The following TPR variants were observed in gnomAD, a reference collection of about 807,000 sequenced individuals.
TPR encodes nucleoprotein TPR.
A neutral mutation model predicts 316.1 loss-of-function variants in TPR; 51 were observed. The observed-to-expected ratio is 0.16, with a 90% CI of 0.13 to 0.20. The LOEUF is 0.20. Among genes scored for constraint, TPR ranks in the 10% least tolerant of loss-of-function variants. The pLI, the probability that TPR is intolerant of heterozygous loss-of-function variation, is 1.00. For synonymous variants in TPR, 981 were observed against 914.7 expected (o/e 1.07, Z -1.31); for missense variants, 2,272 against 2,754.8 (o/e 0.82, Z 3.92).
At chr1:186,319,243 C>A (rs1405199145) in intron 46 of TPR, among the ~76,000 whole-genome samples, 7 of 152,144 alleles carry the variant, frequency 4.6e-5, no homozygotes. Context: ...CCTGCCTTGG[C>A]CTCCCAAAGT....
In TPR at chr1:186,375,143, T is replaced by G; in HGVS notation, c.-115A>C. ...CCGCCGCCTCTATCACCTCGCTCGGTGGCTCGCGCGCGCCCGCCCGCCGGA... is the reference window on the plus strand; with the variant it reads ...CCGCCGCCTCTATCACCTCGCTCGGGGGCTCGCGCGCGCCCGCCCGCCGGA... On this transcript the variant is annotated 5_prime_UTR_variant, in exon 1 of 51. Transcript: ENST00000367478. 1 of 1,550,050 alleles carries G rather than the reference T, an allele frequency of 6.5e-7. No homozygotes were observed. Among genetic ancestry groups the G allele is most frequent in the South Asian group, 1.2e-5 (1 of 84,868 alleles).
chr1:186,355,784 G>T lies in TPR; in HGVS notation c.1889-16C>A, dbSNP rs1659011952. ...AAGCTTGAAGCTTCAGGAAAGTAAA[G>T]ACTAATAAAATGCTTTGTTGGCTTT... On this transcript the variant is annotated splice_polypyrimidine_tract_variant and intron_variant, in intron 15 of 50. Transcript: ENST00000367478. 1.2e-6 allele frequency: 2 copies of T among 1,611,090 alleles called. No individual in the cohort carries two copies. The highest frequency in any genetic ancestry group is 3.4e-5 in the Admixed American group (2 of 58,822).
chr1:186,363,027 G>T, intron 5 of TPR, 26 bp from the exon 6 acceptor site: 1 of 1,578,972 alleles, frequency 6.3e-7, no homozygotes. Context: ...AAAATAACAC[G>T]TACAGTTAAA....
At chr1:186,346,315 T>C in intron 22 of TPR, 28 bp from the exon 23 acceptor site, 1 of 1,580,774 alleles carries the variant, frequency 6.3e-7, no homozygotes. Flanking sequence ...CAGTAGGATA[T>C]AAAAATTACA....
chr1:186,322,452 AC>A, intron 44 of TPR, 40 bp from the exon 45 acceptor site: 1 of 1,609,970 alleles, frequency 6.2e-7, no homozygotes, highest in Non-Finnish European at 8.5e-7. Context: ...AAAACACCAC[AC>A]ATATGGACTA....
At position 186,367,997 on chromosome 1, in the gene TPR, A is replaced by G. The variant is rs1407594316; in HGVS notation, c.331-15T>C. ...GTAAATTGGCTCTGTCATATAAAGA[A>G]GTAATAAGTAAGAAAATCAAGTAGA... On this transcript the variant is annotated splice_polypyrimidine_tract_variant and intron_variant, in intron 3 of 50. Coordinates refer to ENST00000367478, the MANE Select transcript of TPR (RefSeq NM_003292.3). 1 of 1,580,974 alleles carries G rather than the reference A, an allele frequency of 6.3e-7. No homozygotes were observed. Among genetic ancestry groups the G allele is most frequent in the Non-Finnish European group, 8.6e-7 (1 of 1,156,498 alleles).
Position 186,359,896 on chromosome 1 carries a change from T to A in TPR, c.1292A>T (p.Glu431Val). The A allele has an allele frequency of 6.2e-7, 1 of 1,606,992 alleles. No homozygotes were observed. The highest frequency in any genetic ancestry group is 8.5e-7 in the Non-Finnish European group (1 of 1,178,298). The change falls in exon 12 of 51, where the codon GAA (glutamate) becomes GTA (valine). Residue 431 changes from glutamate to valine, a missense_variant. This residue lies in a region of TPR where 549 missense variants were observed against 598.6 expected (regional missense o/e 0.92). Coordinates refer to ENST00000367478, the MANE Select transcript of TPR (RefSeq NM_003292.3). Reference protein sequence around the residue: ...KYLDEIVKEVEAKAPILKRQR... With the variant: ...KYLDEIVKEVVAKAPILKRQR... ...GCGTTTCAAAATTGGTGCTTTGGCT[T>A]CCACTTCTTTCACTATTTCATCTAG...
At position 186,320,199 on chromosome 1, in the gene TPR, A is replaced by G. The variant is rs1322549037; in HGVS notation, c.6568+113T>C. 4 of 885,746 alleles carry G rather than the reference A, an allele frequency of 4.5e-6. No homozygotes were observed. The African/African-American group carries it at 6.9e-5, about 15-fold the overall frequency. 54.9% of individuals were successfully genotyped at this position (885,746 alleles called of 1,614,324 possible). A position where few individuals can be genotyped will look rare whatever the true frequency, so the allele number is the denominator to read the frequency against. On this transcript the variant is annotated intron_variant, in intron 46 of 50. Coordinates refer to ENST00000367478, the MANE Select transcript of TPR (RefSeq NM_003292.3). ...ATTTAAAAAAATAAATTAGCAAACA[A>G]TATCAATTTTAAAAATATTCATATT...
chr1:186,337,942 TA>T (rs1249967280), intron 31 of TPR, 90 bp downstream of exon 31: 3 of 1,073,694 alleles, frequency 2.8e-6, no homozygotes, highest in African/African-American at 3.2e-5. Flanking sequence ...TTTCGGTATC[TA>T]AAAGCTAGTA....
Position 186,368,002 on chromosome 1 carries a change from T to C in TPR, c.331-20A>G, listed in dbSNP as rs139638984. ...TTGGCTCTGTCATATAAAGAAGTAA[T>C]AAGTAAGAAAATCAAGTAGAGCAAT... On this transcript the variant is annotated intron_variant, in intron 3 of 50. Transcript: ENST00000367478. 5.9e-4 allele frequency: 932 copies of C among 1,573,142 alleles called. 11 individuals are homozygous for C. In the East Asian group the frequency reaches 0.017, roughly 29 times the overall value.
chr1:186,369,898 A>T (rs543903411), intron 3 of TPR, among the ~76,000 whole-genome samples: 10 of 151,600 alleles, frequency 6.6e-5, no homozygotes, highest in Non-Finnish European at 1.3e-4. Flanking sequence ...AAGTCACTTC[A>T]TAGTTTTTTT....
intron 2 of TPR, 119 bp downstream of exon 2, chr1:186,373,240 C>A: frequency 1.6e-6 from 1 of 615,816 alleles, no homozygotes; most frequent in South Asian, 3.3e-5. Context: ...ATAATAAAAA[C>A]CAATGATGCT....
chr1:186,362,212 A>T (rs1371242051), intron 7 of TPR, 76 bp downstream of exon 7: 2 of 1,224,460 alleles, frequency 1.6e-6, no homozygotes, highest in South Asian at 2.6e-5. Context: ...TTAAAAAATG[A>T]CATCATTTTG....
At position 186,370,579 on chromosome 1, in the gene TPR, T is replaced by C. The variant is rs574386222; in HGVS notation, c.330+391A>G. Among the ~76,000 whole-genome samples, 3 of 151,828 alleles carry C rather than the reference T, an allele frequency of 2.0e-5. No individual in the cohort carries two copies. In the East Asian group the frequency reaches 5.8e-4, roughly 29 times the overall value. ...GCAAAAGTATAAAGTTGTATCTGGTTAAAAAATAATTGCATGCAACCACTT... is the reference window on the plus strand; with the variant it reads ...GCAAAAGTATAAAGTTGTATCTGGTCAAAAAATAATTGCATGCAACCACTT... On this transcript the variant is annotated intron_variant, in intron 3 of 50. Transcript: ENST00000367478.
At position 186,357,381 on chromosome 1, in the gene TPR, G is replaced by C; in HGVS notation, c.1724+16C>G. On this transcript the variant is annotated intron_variant, in intron 14 of 50. Coordinates refer to ENST00000367478, the MANE Select transcript of TPR (RefSeq NM_003292.3). The stretch of plus-strand genomic sequence containing the variant: ...ATAAATGTTTGCTCAACAAGCTGAG[G>C]TATGTGACTACTTACTTGGATGAAG... 1.2e-6 allele frequency: 2 copies of C among 1,610,462 alleles called. No individual in the cohort carries two copies. Among genetic ancestry groups the C allele is most frequent in the Middle Eastern group, 1.7e-4 (1 of 6,052 alleles).
At chr1:186,371,553 C>T (rs1242929393) in intron 2 of TPR, among the ~76,000 whole-genome samples, 1 of 152,130 alleles carries the variant, frequency 6.6e-6, no homozygotes, top group African/African-American at 2.4e-5. Flanking sequence ...ATCAATCTCT[C>T]AATTGCCACT....
chr1:186,327,299 A>T (rs796942836), intron 40 of TPR, among the ~76,000 whole-genome samples, 161 bp downstream of exon 40: 20 of 41,142 alleles, frequency 4.9e-4, no homozygotes, highest in Admixed American at 1.3e-3. Flanking sequence ...ATAAATATAT[A>T]ATATATAATA....
intron 50 of TPR, 144 bp from the exon 51 acceptor site, chr1:186,314,170 T>C (rs1657492525): frequency 1.5e-6 from 1 of 665,914 alleles, no homozygotes; most frequent in African/African-American, 1.8e-5. Context: ...ATGGAAATTA[T>C]TACAAGCAGA....
intron 45 of TPR, among the ~76,000 whole-genome samples, chr1:186,321,774 TAC>T (rs566498127): frequency 2.3e-3 from 347 of 152,320 alleles, no homozygotes; most frequent in African/African-American, 8.1e-3. Context: ...TTGTTTACAT[TAC>T]AGTTAGTTGC....
Sources: gnomAD v4.1 joint callset for allele counts (sites outside exome capture counted in the v4.1 genomes callset) on GRCh38, gnomAD v4.1.1 for gene constraint, gnomAD v4.1.1 regional missense constraint, MANE v1.5 for transcripts, NCBI Gene and HGNC (gene_info 2026-07-23, HGNC 2026-07-21) for gene names.